Variants in ASIC2 observed in about 807,000 individuals in gnomAD.
The protein encoded by ASIC2 is acid sensing ion channel subunit 2.
In ASIC2, 25 loss-of-function variants were observed where a neutral mutation model predicts 57.3. That is an observed-to-expected ratio of 0.44 (90% confidence interval 0.32 to 0.61). The LOEUF (loss-of-function observed/expected upper bound fraction) is 0.61. Among genes scored for constraint, ASIC2 ranks in the 20% least tolerant of loss-of-function variants. ASIC2 has a pLI of 0.06. For synonymous variants in ASIC2, 319 were observed against 307.5 expected, an observed-to-expected ratio of 1.04 and a Z score of -0.39; for missense variants, 641 against 738.1, an observed-to-expected ratio of 0.87 and a Z score of 1.52.
At chr17:33,392,235 C>T (rs950209562) in intron 1 of ASIC2, among the ~76,000 whole-genome samples, 9 of 101,374 alleles carry the variant, frequency 8.9e-5, no homozygotes, top group African/African-American at 2.9e-4. Flanking sequence ...TCCTTCCTTC[C>T]TTCCTTTTCT....
At chr17:33,539,648 G>C (rs144911715) in intron 1 of ASIC2, among the ~76,000 whole-genome samples, 1 of 152,326 alleles carries the variant, frequency 6.6e-6, no homozygotes, top group Non-Finnish European at 1.5e-5. Flanking sequence ...GGGCCTCATG[G>C]CTCGTGCAGC....
At chr17:33,857,854 T>C (rs1914003152) in intron 1 of ASIC2, among the ~76,000 whole-genome samples, 1 of 152,180 alleles carries the variant, frequency 6.6e-6, no homozygotes, top group South Asian at 2.1e-4. Flanking sequence ...ACAGAGTAAA[T>C]CAGGGGAAAA....
In ASIC2 at chr17:33,793,481, A is replaced by G. The variant is rs565786217; in HGVS notation, c.555+362497T>C. The stretch of plus-strand genomic sequence containing the variant: ...TACGGTGAATTCCTCAGCGCAGGCT[A>G]TCAACAGCATTTTTCAGAGCCAAGA... On this transcript the variant is annotated intron_variant, in intron 1 of 9. Coordinates refer to the ASIC2 transcript ENST00000359872. 3.3e-5 allele frequency: 5 copies of G among 152,332 alleles called. No individual in the cohort carries two copies. The South Asian group carries it at 1.0e-3, about 32-fold the overall frequency. The allele number at this position is 152,332 out of a possible 1,614,324, so 9.4% of individuals were successfully genotyped here.
chr17:33,859,736 A>C (rs1914056513), intron 1 of ASIC2, among the ~76,000 whole-genome samples: 1 of 152,184 alleles, frequency 6.6e-6, no homozygotes, highest in Non-Finnish European at 1.5e-5. Flanking sequence ...GCTAGAGTGC[A>C]GTGGTGTGAT....
At chr17:34,060,951 T>C (rs937440525) in intron 1 of ASIC2, among the ~76,000 whole-genome samples, 2 of 152,158 alleles carry the variant, frequency 1.3e-5, no homozygotes, top group Non-Finnish European at 2.9e-5. Flanking sequence ...ACAACTTCCC[T>C]GGCCTTGCGA....
chr17:33,916,088 TC>T, intron 1 of ASIC2, among the ~76,000 whole-genome samples: 1 of 152,318 alleles, frequency 6.6e-6, no homozygotes, highest in South Asian at 2.1e-4. Flanking sequence ...TTATGCTACT[TC>T]CTTTCCCTTT....
intron 1 of ASIC2, among the ~76,000 whole-genome samples, chr17:33,640,652 T>C (rs993565851): frequency 6.6e-6 from 1 of 152,234 alleles, no homozygotes; most frequent in African/African-American, 2.4e-5. Context: ...ACAGGCCCTG[T>C]TGAGTAGCGT....
chr17:33,097,198 G>T (rs889032183), intron 2 of ASIC2, among the ~76,000 whole-genome samples: 12 of 152,174 alleles, frequency 7.9e-5, no homozygotes, highest in African/African-American at 2.4e-4. Flanking sequence ...GGCTTTGCAG[G>T]CTGGGACCCT....
chr17:33,529,349 C>T (rs1205719403), intron 1 of ASIC2, among the ~76,000 whole-genome samples: 2 of 152,246 alleles, frequency 1.3e-5, no homozygotes, highest in East Asian at 1.9e-4. Context: ...TTCTGTGGTA[C>T]ACCTGGGGCT....
At chr17:33,107,203 A>C (rs2092238457) in intron 2 of ASIC2, among the ~76,000 whole-genome samples, 1 of 152,164 alleles carries the variant, frequency 6.6e-6, no homozygotes, top group Non-Finnish European at 1.5e-5. Flanking sequence ...CCGTTGGAAA[A>C]CCCTGGCCAT....
intron 1 of ASIC2, among the ~76,000 whole-genome samples, chr17:33,841,036 T>C (rs187853261): frequency 8.7e-4 from 133 of 152,196 alleles, no homozygotes; most frequent in African/African-American, 3.1e-3. Context: ...GGAGACCACC[T>C]GAACAAGAAA....
Position 33,677,875 on chromosome 17 carries a change from A to G in ASIC2, c.555+478103T>C, listed in dbSNP as rs542170503. Among the ~76,000 whole-genome samples the G allele has an allele frequency of 3.9e-5, 6 of 152,362 alleles. No homozygotes were observed. In the South Asian group the frequency reaches 1.2e-3, roughly 32 times the overall value. ...CGTAACAAAGGATTGAGCATATTACATAAACTTAGTTGATAAAGCAGCAGC... is the reference window on the plus strand; with the variant it reads ...CGTAACAAAGGATTGAGCATATTACGTAAACTTAGTTGATAAAGCAGCAGC... On this transcript the variant is annotated intron_variant, in intron 1 of 9. Coordinates refer to the ASIC2 transcript ENST00000359872.
intron 1 of ASIC2, among the ~76,000 whole-genome samples, chr17:33,662,764 T>C (rs1488941086): frequency 6.9e-6 from 1 of 144,390 alleles, no homozygotes; most frequent in Non-Finnish European, 1.5e-5. Flanking sequence ...CTTCCTTCTT[T>C]CTTCCTACTT....
intron 1 of ASIC2, among the ~76,000 whole-genome samples, chr17:33,271,298 T>C (rs1443360980): frequency 1.3e-5 from 2 of 152,144 alleles, no homozygotes; most frequent in African/African-American, 2.4e-5. Flanking sequence ...ACACTCCACT[T>C]ATGCGATCCC....
chr17:33,130,132 C>T (rs767774397), intron 1 of ASIC2, among the ~76,000 whole-genome samples: 10 of 152,178 alleles, frequency 6.6e-5, no homozygotes, highest in Non-Finnish European at 1.3e-4. Flanking sequence ...CCTCTTGAAC[C>T]TGGTGCCTTC....
chr17:34,044,361 G>A (rs1908257577), intron 1 of ASIC2, among the ~76,000 whole-genome samples: 1 of 152,186 alleles, frequency 6.6e-6, no homozygotes, highest in Non-Finnish European at 1.5e-5. Context: ...TTCTAATGAA[G>A]TAGGAAGGAA....
intron 1 of ASIC2, among the ~76,000 whole-genome samples, chr17:33,515,784 T>C (rs1468515990): frequency 6.6e-6 from 1 of 152,194 alleles, no homozygotes; most frequent in Non-Finnish European, 1.5e-5. Context: ...ATTCCTGTCC[T>C]GACCTCCGTC....
intron 1 of ASIC2, among the ~76,000 whole-genome samples, chr17:33,458,118 G>A (rs1193424804): frequency 6.6e-6 from 1 of 152,182 alleles, no homozygotes; most frequent in Non-Finnish European, 1.5e-5. Flanking sequence ...TCAATGGCAG[G>A]TTATGGAGTG....
chr17:33,801,907 T>G (rs980232031), intron 1 of ASIC2, among the ~76,000 whole-genome samples: 1 of 151,986 alleles, frequency 6.6e-6, no homozygotes, highest in Non-Finnish European at 1.5e-5. Flanking sequence ...CATCGCAGAG[T>G]GTAGTTGGCT....
Sources: gnomAD v4.1 joint callset for allele counts (sites outside exome capture counted in the v4.1 genomes callset) on GRCh38, gnomAD v4.1.1 for gene constraint, MANE v1.5 for transcripts, NCBI Gene and HGNC (gene_info 2026-07-23, HGNC 2026-07-21) for gene names.